The following SFT2D1 variants were observed in gnomAD, a reference collection of about 807,000 sequenced individuals.
The protein encoded by SFT2D1 is SFT2 domain containing 1.
SFT2D1 carries 24 observed loss-of-function variants against 28.1 expected under a neutral mutation model. The observed-to-expected ratio is 0.85, with a 90% confidence interval of 0.62 to 1.20. The LOEUF (loss-of-function observed/expected upper bound fraction) is 1.20, where lower values mean the gene tolerates loss of function less well. Ranked by LOEUF, SFT2D1 falls within the 50% of genes most tolerant of loss-of-function variation. The pLI, the probability that SFT2D1 is intolerant of heterozygous loss-of-function variation, is 0.00. For missense variants in SFT2D1, 181 were observed against 190.9 expected (o/e 0.95, Z 0.31); for synonymous variants, 82 against 73.7 (o/e 1.11, Z -0.58).
At chr6:166,333,955 T>C (rs1040045330) in intron 1 of SFT2D1, among the ~76,000 whole-genome samples, 1 of 152,196 alleles carries the variant, frequency 6.6e-6, no homozygotes. Flanking sequence ...GCTCTTGTCC[T>C]TTCCTGGTTC....
At chr6:166,335,601 C>A (rs776798869) in intron 1 of SFT2D1, 32 of 371,794 alleles carry the variant, frequency 8.6e-5, no homozygotes, top group Non-Finnish European at 1.4e-4. Flanking sequence ...AAAATCAGAC[C>A]TTGGCGATGA....
In SFT2D1 at chr6:166,342,280, G is replaced by A. The variant is rs538235310; in HGVS notation, c.63+139C>T. 710 of 658,762 alleles carry A rather than the reference G, an allele frequency of 1.1e-3. 1 individual carries two copies. The highest frequency in any genetic ancestry group is 2.2e-3 in the Middle Eastern group (5 of 2,280). The allele number at this position is 658,762 out of a possible 1,614,324, so 40.8% of individuals were successfully genotyped here. A position where few individuals can be genotyped will look rare whatever the true frequency, so the allele number is the denominator to read the frequency against. On this transcript the variant is annotated intron_variant, in intron 1 of 7. Coordinates refer to ENST00000361731, the MANE Select transcript of SFT2D1 (RefSeq NM_145169.3). ...TCAAATTCTACCCAGGAAGCAGGCG[G>A]AGCCCTCCTAAATCAACCAGCCGGG...
chr6:166,329,950 TTAAA>T (rs1203961662), intron 2 of SFT2D1, among the ~76,000 whole-genome samples: 1 of 152,246 alleles, frequency 6.6e-6, no homozygotes, highest in Non-Finnish European at 1.5e-5. Context: ...TACATTTTTC[TTAAA>T]TTATTTCAAC....
intron 1 of SFT2D1, among the ~76,000 whole-genome samples, chr6:166,341,705 G>C (rs1174654722): frequency 1.3e-5 from 2 of 151,788 alleles, no homozygotes; most frequent in Admixed American, 6.6e-5. Context: ...CAATATAATC[G>C]CATGCAATAA....
chr6:166,322,747 C>A (rs1778380018), intron 7 of SFT2D1, 110 bp downstream of exon 7: 70 of 753,332 alleles, frequency 9.3e-5, no homozygotes, highest in South Asian at 3.2e-4. Flanking sequence ...TAAAATCAAC[C>A]AAAAAAAAAG....
At chr6:166,321,713 C>T (rs1050617489) in intron 7 of SFT2D1, among the ~76,000 whole-genome samples, 1 of 152,190 alleles carries the variant, frequency 6.6e-6, no homozygotes, top group African/African-American at 2.4e-5. Context: ...TCACCAGAAT[C>T]TTTTTCTAAA....
At chr6:166,335,186 G>A (rs1778622318) in intron 1 of SFT2D1, 2 of 620,646 alleles carry the variant, frequency 3.2e-6, no homozygotes, top group Admixed American at 3.7e-5. Flanking sequence ...TTTGGTGGTG[G>A]TTGTGGAGGT....
chr6:166,338,290 C>G (rs1345891647), intron 1 of SFT2D1, among the ~76,000 whole-genome samples: 2 of 152,090 alleles, frequency 1.3e-5, no homozygotes, highest in African/African-American at 4.8e-5. Flanking sequence ...TGGTAGTTAC[C>G]CAAATCCAAA....
intron 1 of SFT2D1, chr6:166,335,410 G>A (rs1583041417): frequency 5.3e-6 from 3 of 569,224 alleles, no homozygotes; most frequent in Non-Finnish European, 1.0e-5. Flanking sequence ...GACCCATAAA[G>A]GGAGGAAACT....
At chr6:166,329,652 C>T (rs977312109) in intron 2 of SFT2D1, 63 bp from the exon 3 acceptor site, 29 of 1,287,806 alleles carry the variant, frequency 2.3e-5, no homozygotes, top group African/African-American at 3.0e-5. Context: ...AAAATATAAA[C>T]GTGCTACTGC....
Position 166,335,248 on chromosome 6 carries a change from G to T in SFT2D1, c.64-5001C>A, listed in dbSNP as rs1390375281. On this transcript the variant is annotated intron_variant, in intron 1 of 7. Coordinates refer to ENST00000361731, the MANE Select transcript of SFT2D1 (RefSeq NM_145169.3). Reference sequence around the variant, plus strand: ...TCATGGAGGAAATTTCAGTGGTCATGATGGCTTTGGTGGCAGCTGTCCACA... The same window carrying T: ...TCATGGAGGAAATTTCAGTGGTCATTATGGCTTTGGTGGCAGCTGTCCACA... The T allele has an allele frequency of 8.5e-6, 5 of 591,208 alleles. No individual in the cohort carries two copies. The Admixed American group carries it at 9.3e-5, about 11-fold the overall frequency. 36.6% of individuals were successfully genotyped at this position (591,208 alleles called of 1,614,324 possible). A position where few individuals can be genotyped will look rare whatever the true frequency, so the allele number is the denominator to read the frequency against.
intron 1 of SFT2D1, chr6:166,331,329 A>C (rs1430927141): frequency 1.3e-5 from 2 of 152,680 alleles, no homozygotes; most frequent in Non-Finnish European, 2.9e-5. Flanking sequence ...AATAATGAAA[A>C]ATAAGAGAAA....
rs776777842 is a variant in SFT2D1 at position 166,329,557 on chromosome 6, T to A, written c.183A>T (p.Ile61=). The A allele has an allele frequency of 5.0e-6, 8 of 1,609,628 alleles. No homozygotes were observed. In the Admixed American group the frequency reaches 1.3e-4, roughly 27 times the overall value. Residue 61 remains isoleucine (I), a synonymous_variant, in exon 3 of 8, where the codon ATA becomes ATT. Transcript: ENST00000361731. Reference sequence around the variant, plus strand: ...GGGTATAAAACACTGCAAAAAGCTTTATGCCGCCCGGAAGCCACAGCAATC... The same window carrying A: ...GGGTATAAAACACTGCAAAAAGCTTAATGCCGCCCGGAAGCCACAGCAATC... ...GTGLLWLPGG[I]KLFAVFYTLG...
At chr6:166,341,218 G>T (rs1394198950) in intron 1 of SFT2D1, among the ~76,000 whole-genome samples, 1 of 152,040 alleles carries the variant, frequency 6.6e-6, no homozygotes, top group Non-Finnish European at 1.5e-5. Flanking sequence ...GGTCAAGGTG[G>T]GCGGATCACT....
intron 4 of SFT2D1, among the ~76,000 whole-genome samples, chr6:166,326,846 A>C (rs1778452837): frequency 6.6e-6 from 1 of 152,214 alleles, no homozygotes; most frequent in Admixed American, 6.5e-5. Context: ...AAAAAGTTTG[A>C]GGGGTAAGTG....
chr6:166,324,397 G>T, intron 6 of SFT2D1, 140 bp downstream of exon 6: 1 of 689,600 alleles, frequency 1.5e-6, no homozygotes, highest in Non-Finnish European at 2.5e-6. Context: ...ACTCATCGCA[G>T]ACCTCCCCTC....
intron 1 of SFT2D1, chr6:166,335,057 C>T (rs1347052698): frequency 1.8e-6 from 1 of 545,036 alleles, no homozygotes; most frequent in African/African-American, 1.9e-5. Context: ...GTGGACAAGA[C>T]TGTCACTCAG....
chr6:166,342,050 T>A (rs1778791781), intron 1 of SFT2D1, among the ~76,000 whole-genome samples: 1 of 152,104 alleles, frequency 6.6e-6, no homozygotes, highest in Admixed American at 6.5e-5. Flanking sequence ...GCAGGATAAA[T>A]GCCCTGCATA....
rs1427269922 is a variant in SFT2D1 at position 166,320,171 on chromosome 6, A to G, written c.*46T>C. The G allele has an allele frequency of 2.5e-6, 4 of 1,589,970 alleles. No individual in the cohort carries two copies. The highest frequency in any genetic ancestry group is 2.6e-6 in the Non-Finnish European group (3 of 1,161,348). On this transcript the variant is annotated 3_prime_UTR_variant, in exon 8 of 8. Coordinates refer to ENST00000361731, the MANE Select transcript of SFT2D1 (RefSeq NM_145169.3). Reference sequence around the variant, plus strand: ...TGGGGAAAAGCAAACTTCACCAAACATAGAGTACCAACATTCAAGTGCTCT... The same window carrying G: ...TGGGGAAAAGCAAACTTCACCAAACGTAGAGTACCAACATTCAAGTGCTCT...
Sources: allele counts gnomAD v4.1 joint callset (sites outside exome capture counted in the v4.1 genomes callset), GRCh38; gene constraint gnomAD v4.1.1; transcripts MANE v1.5; gene names NCBI Gene and HGNC (gene_info 2026-07-23, HGNC 2026-07-21).